FOXP1: variants seen among roughly 807,000 people sequenced by gnomAD.
FOXP1 encodes forkhead box protein P1.
Under a neutral mutation model 98.2 loss-of-function variants are expected in FOXP1, and 15 were observed. The ratio of observed to expected loss-of-function variants is 0.15; its 90% confidence interval spans 0.10 to 0.24. FOXP1 has a LOEUF of 0.24. FOXP1 is among the 10% of genes least tolerant of loss of function. The pLI is 1.00. For synonymous variants in FOXP1, 371 were observed against 314.5 expected (o/e 1.18, Z -1.90); for missense variants, 633 against 848.5 (o/e 0.75, Z 3.15).
intron 6 of FOXP1, among the ~76,000 whole-genome samples, chr3:71,178,425 C>T (rs144676742): frequency 2.2e-3 from 328 of 152,142 alleles, no homozygotes; most frequent in Admixed American, 4.8e-3. Flanking sequence ...TGAGCCATCG[C>T]GCCCGGCCAG....
intron 20 of FOXP1, among the ~76,000 whole-genome samples, chr3:70,965,355 C>T (rs1017242617): frequency 1.3e-5 from 2 of 152,206 alleles, no homozygotes; most frequent in African/African-American, 4.8e-5. Flanking sequence ...ATACTGCCGT[C>T]TGCTGCTATA....
At chr3:71,210,236 CTT>C (rs2064350010) in intron 5 of FOXP1, among the ~76,000 whole-genome samples, 1 of 152,206 alleles carries the variant, frequency 6.6e-6, no homozygotes, top group Non-Finnish European at 1.5e-5. Context: ...TCTAGCTGCT[CTT>C]GTTTCCAGGC....
chr3:71,004,933 T>C (rs1044445295), intron 12 of FOXP1, among the ~76,000 whole-genome samples: 3 of 152,022 alleles, frequency 2.0e-5, no homozygotes, highest in Non-Finnish European at 4.4e-5. Flanking sequence ...TCAAATGGCC[T>C]CTAATGCAGC....
At chr3:71,572,316 C>G (rs764173422) in intron 2 of FOXP1, 1 of 152,010 alleles carries the variant, frequency 6.6e-6, no homozygotes, top group Non-Finnish European at 1.5e-5. Flanking sequence ...GACAAATGAA[C>G]AAATTATGAA....
At chr3:71,232,859 C>T (rs112392046) in intron 5 of FOXP1, among the ~76,000 whole-genome samples, 94 of 73,470 alleles carry the variant, frequency 1.3e-3, no homozygotes, top group African/African-American at 4.5e-3. Context: ...GATCGTGCCA[C>T]AGAGCAAAAC....
chr3:71,053,036 A>C (rs1005831145), intron 8 of FOXP1, among the ~76,000 whole-genome samples: 5 of 152,092 alleles, frequency 3.3e-5, no homozygotes, highest in Non-Finnish European at 7.4e-5. Flanking sequence ...TCCTGTCCCC[A>C]CCACCCCAGG....
intron 19 of FOXP1, 143 bp downstream of exon 19, chr3:70,970,593 G>GGA (rs2036003498): frequency 2.6e-6 from 2 of 768,494 alleles, no homozygotes; most frequent in Non-Finnish European, 4.7e-6. Context: ...TTGCCTCCAG[G>GGA]GAGTATGATG....
intron 6 of FOXP1, among the ~76,000 whole-genome samples, chr3:71,121,715 G>A (rs1183583450): frequency 6.6e-6 from 1 of 152,176 alleles, no homozygotes; most frequent in African/African-American, 2.4e-5. Flanking sequence ...ATGACTGTAG[G>A]CCACATTAGC....
At chr3:71,582,318 C>T (rs538415031) in intron 1 of FOXP1, 15 of 968,878 alleles carry the variant, frequency 1.5e-5, no homozygotes, top group Non-Finnish European at 1.7e-5. Flanking sequence ...CGAGGGAAGG[C>T]GGAGGCAGCA....
At chr3:71,000,918 A>G in intron 13 of FOXP1, 54 bp downstream of exon 13, 1 of 1,169,534 alleles carries the variant, frequency 8.6e-7, no homozygotes. Context: ...ACACTACAGA[A>G]ATCTGGAATT....
intron 5 of FOXP1, among the ~76,000 whole-genome samples, chr3:71,284,144 T>C (rs1410998656): frequency 6.6e-6 from 1 of 152,152 alleles, no homozygotes; most frequent in Admixed American, 6.5e-5. Flanking sequence ...AAATAAACAT[T>C]CTCATCCAGT....
At chr3:71,416,333 C>T (rs1455673755) in intron 3 of FOXP1, among the ~76,000 whole-genome samples, 1 of 151,814 alleles carries the variant, frequency 6.6e-6, no homozygotes, top group Non-Finnish European at 1.5e-5. Context: ...GCCAGGAGTT[C>T]GAGACCAACC....
chr3:71,036,495 C>A (rs2047611812), intron 11 of FOXP1, among the ~76,000 whole-genome samples: 1 of 152,098 alleles, frequency 6.6e-6, no homozygotes, highest in African/African-American at 2.4e-5. Flanking sequence ...TATAAAACAT[C>A]TAATGATGGT....
At chr3:71,375,152 T>C (rs541145599) in intron 3 of FOXP1, among the ~76,000 whole-genome samples, 4 of 152,102 alleles carry the variant, frequency 2.6e-5, no homozygotes, top group Non-Finnish European at 5.9e-5. Context: ...AGTAGAAAAG[T>C]GGTTACCTCT....
chr3:71,199,384 C>G (rs1371015409), intron 5 of FOXP1, among the ~76,000 whole-genome samples: 1 of 151,848 alleles, frequency 6.6e-6, no homozygotes, highest in Non-Finnish European at 1.5e-5. Context: ...GGATTACAGG[C>G]CTCGTGAGCC....
chr3:71,117,744 G>C (rs1338535996), intron 6 of FOXP1, among the ~76,000 whole-genome samples: 1 of 152,142 alleles, frequency 6.6e-6, no homozygotes, highest in African/African-American at 2.4e-5. Context: ...TTTTACTCTT[G>C]GGTGGTTCCT....
At chr3:71,320,314 G>T (rs1238102879) in intron 4 of FOXP1, among the ~76,000 whole-genome samples, 2 of 151,954 alleles carry the variant, frequency 1.3e-5, no homozygotes, top group Admixed American at 1.3e-4. Context: ...GGCTGTGCTG[G>T]ATGTTAGCCG....
chr3:71,309,333 C>A (rs1385513380), intron 4 of FOXP1, among the ~76,000 whole-genome samples: 2 of 151,648 alleles, frequency 1.3e-5, no homozygotes, highest in Non-Finnish European at 2.9e-5. Flanking sequence ...TACTAACATA[C>A]TTAACATTTA....
chr3:70,973,632 G>A (rs975959953), intron 17 of FOXP1, among the ~76,000 whole-genome samples: 5 of 151,990 alleles, frequency 3.3e-5, no homozygotes, highest in Admixed American at 6.6e-5. Flanking sequence ...TTAAACTTAC[G>A]GATCCAGACT....
Sources: allele counts gnomAD v4.1 joint callset (sites outside exome capture counted in the v4.1 genomes callset), GRCh38; gene constraint gnomAD v4.1.1; transcripts MANE v1.5; gene names NCBI Gene and HGNC (gene_info 2026-07-23, HGNC 2026-07-21).